Variants in SGSM1 observed in about 807,000 individuals in gnomAD.
The protein encoded by SGSM1 is small G protein signaling modulator 1.
A neutral mutation model predicts 133.8 loss-of-function variants in SGSM1; 73 were observed. The observed-to-expected ratio is 0.55, with a 90% CI of 0.45 to 0.66. The LOEUF is 0.66. SGSM1 is among the 30% of genes least tolerant of loss of function. The pLI is 0.00. For missense variants in SGSM1, 1,213 were observed against 1,448.1 expected, an observed-to-expected ratio of 0.84 and a Z score of 2.64; for synonymous variants, 563 against 573.0, an observed-to-expected ratio of 0.98 and a Z score of 0.25.
chr22:24,823,834 C>T (rs1928635146), intron 2 of SGSM1, among the ~76,000 whole-genome samples: 1 of 151,230 alleles, frequency 6.6e-6, no homozygotes, highest in South Asian at 2.1e-4. Context: ...TGTTTGAGCC[C>T]AGGAGTTCGA....
rs1932970561 is a variant in SGSM1 at position 24,898,091 on chromosome 22, T to C, written c.2142T>C (p.His714=). ...VNGTCSPDSG[H]PSSHNFSSGL... Reference sequence around the variant, plus strand: ...GCACTTGTTCCCCAGACTCGGGTCATCCTTCCTCCCATAACTTCTCCTCGG... The same window carrying C: ...GCACTTGTTCCCCAGACTCGGGTCACCCTTCCTCCCATAACTTCTCCTCGG... Residue 714 remains histidine (H), a synonymous_variant, in exon 19 of 25, where the codon CAT becomes CAC. Transcript: ENST00000400358. 6.2e-6 allele frequency: 10 copies of C among 1,613,954 alleles called. No individual in the cohort carries two copies. The highest frequency in any genetic ancestry group is 7.6e-6 in the Non-Finnish European group (9 of 1,179,886).
At chr22:24,907,911 CAA>C (rs796505229) in intron 21 of SGSM1, among the ~76,000 whole-genome samples, 26 of 57,070 alleles carry the variant, frequency 4.6e-4, no homozygotes, top group African/African-American at 1.2e-3. Context: ...GACGCCATCT[CAA>C]AAAAAAAAAA....
chr22:24,839,182 A>G (rs563982599), intron 2 of SGSM1, among the ~76,000 whole-genome samples: 1 of 152,230 alleles, frequency 6.6e-6, no homozygotes, highest in South Asian at 2.1e-4. Context: ...CAGCCTCTCA[A>G]GTAGCTGGAT....
intron 8 of SGSM1, chr22:24,855,897 C>A (rs1474876688): frequency 8.2e-6 from 6 of 731,676 alleles, no homozygotes; most frequent in Non-Finnish European, 1.4e-5. Flanking sequence ...ATCCATCCAT[C>A]CACCCATTGT....
intron 2 of SGSM1, chr22:24,844,620 G>A (rs1929987669): frequency 2.2e-6 from 1 of 445,200 alleles, no homozygotes; most frequent in Non-Finnish European, 4.1e-6. Flanking sequence ...AGTGTGGTCA[G>A]GAAAGGAGAT....
At chr22:24,867,208 C>G in intron 10 of SGSM1, 48 bp downstream of exon 10, 2 of 1,573,788 alleles carry the variant, frequency 1.3e-6, no homozygotes, top group Non-Finnish European at 1.7e-6. Flanking sequence ...TCTTGGATCC[C>G]CTGCCTGTCT....
At chr22:24,885,419 G>A (rs980187666) in intron 15 of SGSM1, among the ~76,000 whole-genome samples, 5 of 142,950 alleles carry the variant, frequency 3.5e-5, no homozygotes, top group South Asian at 2.3e-4. Flanking sequence ...TTCGATTAGC[G>A]ACACACATTG....
intron 22 of SGSM1, among the ~76,000 whole-genome samples, chr22:24,915,039 T>C (rs956285580): frequency 9.9e-5 from 15 of 152,074 alleles, no homozygotes; most frequent in Admixed American, 8.5e-4. Context: ...CCATCATGGC[T>C]AACACGGTGA....
intron 15 of SGSM1, among the ~76,000 whole-genome samples, chr22:24,885,190 C>T (rs1005158379): frequency 1.3e-5 from 2 of 152,160 alleles, no homozygotes; most frequent in Admixed American, 1.3e-4. Flanking sequence ...CCGCCTCAGC[C>T]TCCCAAAGTG....
At chr22:24,838,815 A>T (rs749011410) in intron 2 of SGSM1, among the ~76,000 whole-genome samples, 26 of 151,814 alleles carry the variant, frequency 1.7e-4, no homozygotes, top group Non-Finnish European at 3.5e-4. Context: ...GAGACCTCGA[A>T]CTTCATTCTT....
chr22:24,808,944 C>G (rs965060247), intron 2 of SGSM1, among the ~76,000 whole-genome samples: 1 of 152,192 alleles, frequency 6.6e-6, no homozygotes, highest in Non-Finnish European at 1.5e-5. Context: ...TCATCCAAAT[C>G]TACACGGTGC....
At position 24,926,743 on chromosome 22, in the gene SGSM1, G is replaced by A. The variant is rs1934220487; in HGVS notation, c.*2469G>A. 6.6e-6 allele frequency: 1 copy of A among 152,174 alleles called. No individual in the cohort carries two copies. Among genetic ancestry groups the A allele is most frequent in the Non-Finnish European group, 1.5e-5 (1 of 68,058 alleles). The allele number at this position is 152,174 out of a possible 1,614,324, so 9.4% of individuals were successfully genotyped here. Reference sequence around the variant, plus strand: ...ATGCGTGGGACTCGTTCTGTCCGCGGAGTGCACTCTTTTTTTCAGTGTGGC... The same window carrying A: ...ATGCGTGGGACTCGTTCTGTCCGCGAAGTGCACTCTTTTTTTCAGTGTGGC... On this transcript the variant is annotated 3_prime_UTR_variant, in exon 25 of 25. Transcript: ENST00000400358.
intron 19 of SGSM1, among the ~76,000 whole-genome samples, chr22:24,898,982 G>A (rs769409014): frequency 4.7e-4 from 59 of 125,394 alleles, no homozygotes; most frequent in Non-Finnish European, 6.6e-4. Flanking sequence ...AGCCGAGATC[G>A]CACCACTGCA....
intron 21 of SGSM1, among the ~76,000 whole-genome samples, chr22:24,908,506 G>A (rs139753): frequency 0.62 from 94,406 of 152,032 alleles, 31,004 homozygotes; most frequent in African/African-American, 0.84. Flanking sequence ...CAATTCAACG[G>A]TAAAAAGACA....
chr22:24,888,938 CTTTT>C (rs1234715475), intron 16 of SGSM1, among the ~76,000 whole-genome samples: 32 of 79,934 alleles, frequency 4.0e-4, no homozygotes, highest in South Asian at 2.4e-3. Flanking sequence ...TCATAGTCAC[CTTTT>C]TTTTTTTTTT....
intron 3 of SGSM1, among the ~76,000 whole-genome samples, chr22:24,845,947 TTC>T (rs1476350312): frequency 1.8e-5 from 1 of 56,522 alleles, no homozygotes; most frequent in African/African-American, 5.9e-5. Flanking sequence ...TTTCTTTTCT[TTC>T]TTTCTTTCTT....
intron 2 of SGSM1, among the ~76,000 whole-genome samples, chr22:24,830,786 G>A (rs1247382257): frequency 1.1e-5 from 1 of 88,938 alleles, no homozygotes; most frequent in East Asian, 2.6e-4. Context: ...AGTTGGGGAA[G>A]GGGGTTAGGA....
intron 14 of SGSM1, among the ~76,000 whole-genome samples, chr22:24,880,147 T>C (rs1292288911): frequency 6.6e-6 from 1 of 151,996 alleles, no homozygotes; most frequent in Non-Finnish European, 1.5e-5. Flanking sequence ...CTGTCTTTTT[T>C]TTTTTGAGAC....
At chr22:24,820,264 G>C (rs1220779927) in intron 2 of SGSM1, among the ~76,000 whole-genome samples, 2 of 152,086 alleles carry the variant, frequency 1.3e-5, no homozygotes, top group Admixed American at 1.3e-4. Flanking sequence ...TGGTCAAGGG[G>C]TGTCTGAGGA....
Sources: allele counts gnomAD v4.1 joint callset (sites outside exome capture counted in the v4.1 genomes callset), GRCh38; gene constraint gnomAD v4.1.1; transcripts MANE v1.5; gene names NCBI Gene and HGNC (gene_info 2026-07-23, HGNC 2026-07-21).